DNAI3: variants seen among roughly 807,000 people sequenced by gnomAD.
DNAI3 encodes WD repeat domain 63.
In DNAI3, 83 loss-of-function variants were observed where a neutral mutation model predicts 115.5. That is an observed-to-expected ratio of 0.72 (90% confidence interval 0.60 to 0.86). The LOEUF (loss-of-function observed/expected upper bound fraction) is 0.86. Among genes scored for constraint, DNAI3 ranks in the 40% least tolerant of loss-of-function variants. The pLI is 0.00. For missense variants in DNAI3, 1,004 were observed against 1,075.8 expected, an observed-to-expected ratio of 0.93 and a Z score of 0.93; for synonymous variants, 320 against 347.0, an observed-to-expected ratio of 0.92 and a Z score of 0.86.
At position 85,093,609 on chromosome 1, in the gene DNAI3, A is replaced by T; in HGVS notation, c.1009A>T (p.Lys337Ter). Residue 337 changes from lysine (K) to a stop codon, truncating the protein, a stop_gained, in exon 9 of 23, where the codon AAA (lysine) becomes TAA (stop). Coordinates refer to ENST00000294664, the MANE Select transcript of DNAI3 (RefSeq NM_145172.5). LOFTEE classifies it high-confidence loss of function. ...SFTDLHSPTE[K>*]MITCVSWHPT... ...TACCGACCTTCATAGCCCAACGGAGAAAATGATTACCTGTGTCTCATGGCA... is the reference window on the plus strand; with the variant it reads ...TACCGACCTTCATAGCCCAACGGAGTAAATGATTACCTGTGTCTCATGGCA... 1 of 1,614,186 alleles carries T rather than the reference A, an allele frequency of 6.2e-7. No homozygotes were observed. Among genetic ancestry groups the T allele is most frequent in the African/African-American group, 1.3e-5 (1 of 75,058 alleles).
At chr1:85,065,586 G>A (rs1212343576) in intron 1 of DNAI3, among the ~76,000 whole-genome samples, 1 of 152,110 alleles carries the variant, frequency 6.6e-6, no homozygotes, top group African/African-American at 2.4e-5. Context: ...TGTGTGTAGA[G>A]TGGCAATGGC....
intron 22 of DNAI3, among the ~76,000 whole-genome samples, chr1:85,130,692 GA>G (rs1656292171): frequency 2.3e-5 from 2 of 86,140 alleles, no homozygotes; most frequent in African/African-American, 9.7e-5. Context: ...TAGATAGATA[GA>G]TAGATAGATA....
intron 13 of DNAI3, among the ~76,000 whole-genome samples, chr1:85,103,404 A>G (rs1385830030): frequency 6.6e-6 from 1 of 152,090 alleles, no homozygotes; most frequent in East Asian, 1.9e-4. Flanking sequence ...TACAACAGTC[A>G]TGGCACACTT....
At chr1:85,066,314 C>CTTTTTTTTT (rs57553075) in intron 1 of DNAI3, among the ~76,000 whole-genome samples, 5 of 70,036 alleles carry the variant, frequency 7.1e-5, no homozygotes, top group Admixed American at 1.9e-4. Flanking sequence ...TTCTGCTACT[C>CTTTTTTTTT]TTTTTTTTTT....
chr1:85,076,833 T>G (rs961096658), intron 3 of DNAI3, among the ~76,000 whole-genome samples: 3 of 152,192 alleles, frequency 2.0e-5, no homozygotes, highest in Non-Finnish European at 4.4e-5. Context: ...GACATTATTC[T>G]GTTTGCCAGA....
chr1:85,098,708 A>G (rs1655199944), intron 13 of DNAI3, 50 bp downstream of exon 13: 3 of 1,594,160 alleles, frequency 1.9e-6, no homozygotes, highest in Non-Finnish European at 2.6e-6. Flanking sequence ...ACACATTTTC[A>G]GATTTTATGC....
At chr1:85,095,727 C>T (rs1655103667) in intron 10 of DNAI3, among the ~76,000 whole-genome samples, 2 of 152,226 alleles carry the variant, frequency 1.3e-5, no homozygotes, top group Non-Finnish European at 1.5e-5. Flanking sequence ...AACATACTCA[C>T]TGTCACTCGT....
chr1:85,072,815 T>C (rs1215758532), intron 2 of DNAI3, among the ~76,000 whole-genome samples: 25 of 147,956 alleles, frequency 1.7e-4, no homozygotes, highest in African/African-American at 5.2e-4. Context: ...ATTAGCCGGG[T>C]GTGGTGGCGG....
rs1655542991 is a variant in DNAI3 at position 85,108,047 on chromosome 1, G to C, written c.1568G>C (p.Trp523Ser). The C allele has an allele frequency of 1.3e-6, 2 of 1,575,554 alleles. No homozygotes were observed. Among genetic ancestry groups the C allele is most frequent in the East Asian group, 4.5e-5 (2 of 44,120 alleles). The change falls in exon 15 of 23, where the codon TGG (tryptophan) becomes TCG (serine). Residue 523 changes from tryptophan to serine, a missense_variant. Transcript: ENST00000294664. ...TCSADCTICF[W>S]DIRPQKPLTP... ...ATTTTTTTTAGCACAATATGTTTTT[G>C]GGATATTAGACCACAGAAACCTTTA...
chr1:85,073,086 A>G lies in DNAI3; in HGVS notation c.97A>G (p.Ser33Gly). ...SEDMEPVNME[S>G]MGHPEIYPLV... ...AGACATGGAACCAGTAAATATGGAG[A>G]GCATGGGTAAGTGGAAATATAATTT... Residue 33 changes from serine to glycine, a missense_variant, in exon 3 of 23, where the codon AGC becomes GGC. Ser to Gly is a moderately conservative substitution (Grantham distance 56). This residue lies in a region of DNAI3 where 550 missense variants were observed against 568.1 expected (regional missense o/e 0.97). Transcript: ENST00000294664. 1 of 1,546,276 alleles carries G rather than the reference A, an allele frequency of 6.5e-7. No individual in the cohort carries two copies. Among genetic ancestry groups the G allele is most frequent in the Non-Finnish European group, 8.7e-7 (1 of 1,144,470 alleles).
Position 85,095,913 on chromosome 1 carries a change from T to G in DNAI3, c.1174-18T>G. ...TCTCTTTTCTCATTCTTTCATGAAT[T>G]TGCTGGGTTTACTTTAGTTAATGCT... On this transcript the variant is annotated intron_variant, in intron 10 of 22. Coordinates refer to ENST00000294664, the MANE Select transcript of DNAI3 (RefSeq NM_145172.5). 6.2e-6 allele frequency: 10 copies of G among 1,606,378 alleles called. No homozygotes were observed. The highest frequency in any genetic ancestry group is 8.5e-6 in the Non-Finnish European group (10 of 1,173,090).
At chr1:85,131,550 C>T (rs1288638064) in intron 22 of DNAI3, among the ~76,000 whole-genome samples, 3 of 150,828 alleles carry the variant, frequency 2.0e-5, no homozygotes, top group Non-Finnish European at 4.4e-5. Flanking sequence ...CTAATTAGTG[C>T]AATAAAAGCA....
At chr1:85,117,019 G>T (rs575199047) in intron 16 of DNAI3, among the ~76,000 whole-genome samples, 1 of 152,120 alleles carries the variant, frequency 6.6e-6, no homozygotes, top group South Asian at 2.1e-4. Context: ...TTTGTTGGTT[G>T]GTTTTATGGC....
intron 7 of DNAI3, 49 bp from the exon 8 acceptor site, chr1:85,090,067 C>T: frequency 2.1e-6 from 2 of 972,814 alleles, no homozygotes; most frequent in South Asian, 2.4e-5. Flanking sequence ...CCCATATTTG[C>T]TCTTCTTTGA....
chr1:85,097,442 A>G lies in DNAI3; in HGVS notation c.1264-127A>G, dbSNP rs1329210019. On this transcript the variant is annotated intron_variant, in intron 11 of 22. Transcript: ENST00000294664. ...TAAAAATTGCTGACTTACTTAAGAT[A>G]TAAGCTACATTTGATTATCCCCTAA... The G allele has an allele frequency of 1.1e-5, 7 of 646,292 alleles. No individual in the cohort carries two copies. In the East Asian group the frequency reaches 1.3e-4, roughly 12 times the overall value. The allele number at this position is 646,292 out of a possible 1,614,324, so 40.0% of individuals were successfully genotyped here.
At chr1:85,084,285 C>CATATAT (rs1654729651) in intron 5 of DNAI3, among the ~76,000 whole-genome samples, 1 of 114,254 alleles carries the variant, frequency 8.8e-6, no homozygotes, top group Non-Finnish European at 1.9e-5. Context: ...TATACACATC[C>CATATAT]ATATGTAGAG....
chr1:85,110,472 A>AATAAATAAATAAATAT (rs1285880865), intron 16 of DNAI3, among the ~76,000 whole-genome samples: 3 of 151,032 alleles, frequency 2.0e-5, no homozygotes, highest in African/African-American at 7.3e-5. Flanking sequence ...TAAATAAATA[A>AATAAATAAATAAATAT]ATAAATAAAT....
At chr1:85,117,571 T>C (rs570584261) in intron 16 of DNAI3, among the ~76,000 whole-genome samples, 158 bp from the exon 17 acceptor site, 1 of 152,358 alleles carries the variant, frequency 6.6e-6, no homozygotes, top group African/African-American at 2.4e-5. Context: ...GTTCTTTTGC[T>C]AAATTAGAAA....
At chr1:85,096,710 A>G (rs1655136096) in intron 11 of DNAI3, among the ~76,000 whole-genome samples, 1 of 152,094 alleles carries the variant, frequency 6.6e-6, no homozygotes, top group South Asian at 2.1e-4. Context: ...AAAAGGGTAT[A>G]TGATTTTTGT....
Sources: gnomAD v4.1 joint callset for allele counts (sites outside exome capture counted in the v4.1 genomes callset) on GRCh38, gnomAD v4.1.1 for gene constraint, gnomAD v4.1.1 regional missense constraint, MANE v1.5 for transcripts, NCBI Gene and HGNC (gene_info 2026-07-23, HGNC 2026-07-21) for gene names.